Variants in TXNL4A observed in about 807,000 individuals in gnomAD.
TXNL4A encodes the protein thioredoxin-like protein 4A.
A neutral mutation model predicts 14.6 loss-of-function variants in TXNL4A; 17 were observed. That is an observed-to-expected ratio of 1.16 (90% confidence interval 0.80 to 1.74). The LOEUF (loss-of-function observed/expected upper bound fraction) is 1.74. Among genes scored for constraint, TXNL4A ranks in the 40% most tolerant of loss-of-function variants. The pLI, the probability that TXNL4A is intolerant of heterozygous loss-of-function variation, is 0.00. For missense variants in TXNL4A, 74 were observed against 195.2 expected (o/e 0.38, Z 3.70); for synonymous variants, 83 against 70.6 (o/e 1.18, Z -0.88).
chr18:79,985,553 G>T (rs903587428), intron 1 of TXNL4A, among the ~76,000 whole-genome samples: 2 of 152,314 alleles, frequency 1.3e-5, no homozygotes, highest in South Asian at 2.1e-4. Context: ...GTGCCCAGAT[G>T]AAAACTTTAT....
intron 1 of TXNL4A, among the ~76,000 whole-genome samples, chr18:80,020,520 T>A (rs2051841580): frequency 6.6e-6 from 1 of 152,190 alleles, no homozygotes; most frequent in Admixed American, 6.5e-5. Context: ...GCTTTTTGCT[T>A]AGGTAACCAA....
rs2145127235 is a variant in TXNL4A, at chr18:80,023,529, A to G, written c.-61+10322T>C. Among the ~76,000 whole-genome samples, 4 of 152,244 alleles carry G rather than the reference A, an allele frequency of 2.6e-5. No individual in the cohort carries two copies. In the South Asian group the frequency reaches 8.3e-4, roughly 32 times the overall value. ...GCATGCCCCCCACCCCCATGCAACC[A>G]GCATAAGAAAATTAACTTGTCTTAT... On this transcript the variant is annotated intron_variant, in intron 1 of 2. Coordinates refer to the TXNL4A transcript ENST00000585474.
chr18:79,997,215 C>G (rs538351831), intron 1 of TXNL4A, among the ~76,000 whole-genome samples: 93 of 152,058 alleles, frequency 6.1e-4, no homozygotes, highest in African/African-American at 2.0e-3. Flanking sequence ...TCAGCCACTT[C>G]CATAAAGGTA....
chr18:79,987,983 T>G (rs888436821), intron 1 of TXNL4A, among the ~76,000 whole-genome samples: 1 of 152,226 alleles, frequency 6.6e-6, no homozygotes, highest in Non-Finnish European at 1.5e-5. Context: ...CAGAAATAAT[T>G]AATTCATTTG....
chr18:80,027,702 T>C (rs2051894108), intron 1 of TXNL4A, among the ~76,000 whole-genome samples: 1 of 152,332 alleles, frequency 6.6e-6, no homozygotes. Context: ...AGGCACACTA[T>C]CTTCCTCCCA....
intron 1 of TXNL4A, among the ~76,000 whole-genome samples, chr18:80,022,928 T>C (rs889898907): frequency 3.9e-5 from 6 of 152,178 alleles, no homozygotes; most frequent in African/African-American, 1.4e-4. Flanking sequence ...GTTGGATTCT[T>C]AGACCCACTC....
intron 1 of TXNL4A, among the ~76,000 whole-genome samples, chr18:79,979,126 C>T (rs1446175903): frequency 2.6e-5 from 4 of 151,516 alleles, no homozygotes; most frequent in Non-Finnish European, 4.4e-5. Flanking sequence ...TTAGTAGAGA[C>T]GAGGTTTCAC....
intron 1 of TXNL4A, among the ~76,000 whole-genome samples, chr18:80,028,071 C>G (rs1599758545): frequency 6.6e-6 from 1 of 151,970 alleles, no homozygotes; most frequent in Non-Finnish European, 1.5e-5. Context: ...AATGCCCCAG[C>G]CTTAGGGCAC....
At position 79,986,734 on chromosome 18, in the gene TXNL4A, G is replaced by A. The variant is rs141384446; in HGVS notation, c.153+1506C>T. 1.5e-4 allele frequency: 151 copies of A among 985,446 alleles called. 2 individuals carry two copies. The East Asian group carries it at 8.5e-3, about 56-fold the overall frequency. The allele number at this position is 985,446 out of a possible 1,614,324, so 61.0% of individuals were successfully genotyped here. A position where few individuals can be genotyped will look rare whatever the true frequency, so the allele number is the denominator to read the frequency against. ...CGGCAGCAGGATCTGAACACCACCC[G>A]ATGTTTATGCCACCACCTGCAATGT... On this transcript the variant is annotated intron_variant, in intron 1 of 2. Coordinates refer to ENST00000269601, the MANE Select transcript of TXNL4A (RefSeq NM_006701.5).
intron 1 of TXNL4A, among the ~76,000 whole-genome samples, chr18:80,028,010 T>C (rs1250577286): frequency 6.6e-6 from 1 of 152,214 alleles, no homozygotes; most frequent in African/African-American, 2.4e-5. Context: ...TCCCATCTTG[T>C]GGACTCTTGA....
Position 80,025,357 on chromosome 18 carries a change from G to C in TXNL4A, c.-61+8494C>G, listed in dbSNP as rs1418413396. ...TGGTAACTCCACCTACACTCCCACT[G>C]TACCCTGACCTCTCTGAACTTCCCC... is the stretch of plus-strand genomic sequence containing the variant. On this transcript the variant is annotated intron_variant, in intron 1 of 2. Coordinates refer to the TXNL4A transcript ENST00000585474. 2.6e-5 allele frequency among the ~76,000 whole-genome samples: 4 copies of C among 152,132 alleles called. No individual in the cohort carries two copies. In the East Asian group the frequency reaches 7.7e-4, roughly 29 times the overall value.
intron 1 of TXNL4A, among the ~76,000 whole-genome samples, chr18:80,004,666 ATTTAGAAC>A (rs2051718239): frequency 6.6e-6 from 1 of 152,174 alleles, no homozygotes; most frequent in Non-Finnish European, 1.5e-5. Context: ...TACACATTGA[ATTTAGAAC>A]TTTAGCTTTG....
chr18:80,024,909 G>C (rs1016257537), intron 1 of TXNL4A, among the ~76,000 whole-genome samples: 1 of 152,128 alleles, frequency 6.6e-6, no homozygotes, highest in Non-Finnish European at 1.5e-5. Context: ...ATCTGAAAAG[G>C]AGCTCTAAAT....
chr18:79,999,164 G>A (rs1266612751), intron 1 of TXNL4A, among the ~76,000 whole-genome samples: 42 of 152,122 alleles, frequency 2.8e-4, no homozygotes, highest in Non-Finnish European at 1.0e-4. Flanking sequence ...GCATGACTTT[G>A]GGATGCTATG....
intron 2 of TXNL4A, chr18:79,976,663 TACAAAGAATACAAAACTA>T (rs2051384088): frequency 1.0e-5 from 4 of 400,900 alleles, no homozygotes; most frequent in Non-Finnish European, 1.5e-5. Flanking sequence ...GCTAATTTGT[TACAAAGAATACAAAACTA>T]ACGCATACCC....
intron 1 of TXNL4A, among the ~76,000 whole-genome samples, chr18:80,029,336 TC>T (rs200378060): frequency 0.013 from 1,974 of 152,320 alleles, 20 homozygotes; most frequent in Non-Finnish European, 0.02. Context: ...AGGGTCACTT[TC>T]CCCTTCCAGC....
chr18:80,019,565 AG>A (rs561671553), intron 1 of TXNL4A, among the ~76,000 whole-genome samples: 100 of 152,308 alleles, frequency 6.6e-4, no homozygotes, highest in African/African-American at 2.2e-3. Flanking sequence ...AAGGTTGGCA[AG>A]GGGTGGCATT....
intron 2 of TXNL4A, among the ~76,000 whole-genome samples, chr18:79,976,315 G>T (rs2051378753): frequency 6.6e-6 from 1 of 152,232 alleles, no homozygotes; most frequent in African/African-American, 2.4e-5. Flanking sequence ...TCTAAAACCA[G>T]AGCATTTTCT....
chr18:80,010,135 T>C (rs1483784223), intron 1 of TXNL4A, among the ~76,000 whole-genome samples: 1 of 152,204 alleles, frequency 6.6e-6, no homozygotes, highest in Non-Finnish European at 1.5e-5. Flanking sequence ...ACTCTTGTTT[T>C]ACCTTCAAGA....
Sources: gnomAD v4.1 joint callset for allele counts (sites outside exome capture counted in the v4.1 genomes callset) on GRCh38, gnomAD v4.1.1 for gene constraint, MANE v1.5 for transcripts, NCBI Gene and HGNC (gene_info 2026-07-23, HGNC 2026-07-21) for gene names.